The following RBFOX1 variants were observed in gnomAD, a reference collection of about 807,000 sequenced individuals.
RBFOX1 encodes the protein RNA binding fox-1 homolog 1, also known as RNA binding protein fox-1 homolog 1.
In RBFOX1, 8 loss-of-function variants were observed where a neutral mutation model predicts 57.7. That is an observed-to-expected ratio of 0.14 (90% CI 0.08 to 0.25). The LOEUF (loss-of-function observed/expected upper bound fraction) is 0.25, where lower values mean the gene tolerates loss of function less well. RBFOX1 is among the 10% of genes least tolerant of loss of function. The pLI, the probability that RBFOX1 is intolerant of heterozygous loss-of-function variation, is 1.00. For missense variants in RBFOX1, 611 were observed against 548.5 expected (o/e 1.11, Z -1.14); for synonymous variants, 326 against 222.4 (o/e 1.47, Z -4.15).
intron 3 of RBFOX1, among the ~76,000 whole-genome samples, chr16:6,664,063 G>A (rs1345572542): frequency 6.6e-6 from 1 of 152,202 alleles, no homozygotes; most frequent in Non-Finnish European, 1.5e-5. Context: ...ATGGTCAGGT[G>A]TGTAAAGACA....
intron 2 of RBFOX1, among the ~76,000 whole-genome samples, chr16:6,472,659 T>A (rs753387901): frequency 2.6e-5 from 4 of 152,060 alleles, no homozygotes; most frequent in Admixed American, 6.5e-5. Flanking sequence ...AATCTCACTT[T>A]GTTGCCCAGG....
At chr16:6,626,914 A>C (rs1450558863) in intron 2 of RBFOX1, among the ~76,000 whole-genome samples, 2 of 152,206 alleles carry the variant, frequency 1.3e-5, no homozygotes, top group Admixed American at 1.3e-4. Flanking sequence ...GACCTTATAC[A>C]CAAAGGCCCT....
intron 1 of RBFOX1, among the ~76,000 whole-genome samples, chr16:6,142,525 A>T (rs2096727037): frequency 6.6e-6 from 1 of 152,112 alleles, no homozygotes; most frequent in African/African-American, 2.4e-5. Context: ...CTGGCCAAAA[A>T]AATCCAACTC....
At chr16:7,045,001 A>G in intron 3 of RBFOX1, among the ~76,000 whole-genome samples, 1 of 152,202 alleles carries the variant, frequency 6.6e-6, no homozygotes, top group East Asian at 1.9e-4. Context: ...GTTGCAGCCG[A>G]AACACACAAC....
intron 2 of RBFOX1, among the ~76,000 whole-genome samples, chr16:5,520,986 A>G (rs910552445): frequency 6.6e-6 from 1 of 152,214 alleles, no homozygotes; most frequent in Non-Finnish European, 1.5e-5. Context: ...GAGTAAGAAA[A>G]GCATATTGTT....
chr16:6,220,442 A>G (rs991428724), intron 1 of RBFOX1, among the ~76,000 whole-genome samples: 25 of 152,202 alleles, frequency 1.6e-4, no homozygotes, highest in African/African-American at 5.8e-4. Flanking sequence ...GAGGAATTAT[A>G]CTTGGTAATA....
chr16:5,292,902 T>C (rs1478811997), intron 1 of RBFOX1, among the ~76,000 whole-genome samples: 3 of 152,012 alleles, frequency 2.0e-5, no homozygotes, highest in Admixed American at 6.6e-5. Context: ...GGATTACACG[T>C]GTGAGCCACT....
chr16:7,384,377 C>T (rs2097843224), intron 4 of RBFOX1, among the ~76,000 whole-genome samples: 1 of 152,026 alleles, frequency 6.6e-6, no homozygotes, highest in South Asian at 2.1e-4. Flanking sequence ...GCAACAGGCA[C>T]CTTTATATTT....
At chr16:7,707,349 G>C (rs1419504391) in intron 14 of RBFOX1, among the ~76,000 whole-genome samples, 2 of 152,082 alleles carry the variant, frequency 1.3e-5, no homozygotes, top group African/African-American at 2.4e-5. Flanking sequence ...TATTGGATTG[G>C]TATCACTTAT....
chr16:6,019,070 C>T lies in RBFOX1; in HGVS notation c.-1049C>T. 1.0e-6 allele frequency: 1 copy of T among 981,910 alleles called. No homozygotes were observed. The highest frequency in any genetic ancestry group is 1.2e-6 in the Non-Finnish European group (1 of 827,412). 60.8% of individuals were successfully genotyped at this position (981,910 alleles called of 1,614,324 possible). On this transcript the variant is annotated 5_prime_UTR_variant, in exon 1 of 16. Transcript: ENST00000550418. The surrounding 1 kb of genome is among the most constrained non-coding windows in gnomAD (Gnocchi z 4.2). Reference sequence around the variant, plus strand: ...CCGGGGCTGCTCGCTGCTTGTCGCGCGCTCACACACACACAGACACACACG... The same window carrying T: ...CCGGGGCTGCTCGCTGCTTGTCGCGTGCTCACACACACACAGACACACACG...
chr16:7,038,561 G>A (rs938395301), intron 3 of RBFOX1, among the ~76,000 whole-genome samples: 1 of 152,138 alleles, frequency 6.6e-6, no homozygotes, highest in Non-Finnish European at 1.5e-5. Context: ...ACATTTCGTG[G>A]TTTAGCTTGT....
intron 3 of RBFOX1, among the ~76,000 whole-genome samples, chr16:6,818,465 A>C (rs545574573): frequency 6.6e-6 from 1 of 152,062 alleles, no homozygotes; most frequent in Non-Finnish European, 1.5e-5. Flanking sequence ...TGCCAGTGAG[A>C]GTTTTATGAG....
intron 12 of RBFOX1, among the ~76,000 whole-genome samples, chr16:7,658,203 C>A (rs1211522582): frequency 6.6e-6 from 1 of 152,108 alleles, no homozygotes; most frequent in African/African-American, 2.4e-5. Flanking sequence ...TCTCAACATC[C>A]CCCTTTTGCT....
At chr16:5,359,112 G>A (rs2151333014) in intron 1 of RBFOX1, among the ~76,000 whole-genome samples, 1 of 152,278 alleles carries the variant, frequency 6.6e-6, no homozygotes, top group African/African-American at 2.4e-5. Context: ...GTGACCTCCA[G>A]TTTCATCCAC....
rs1046906784 is a variant in RBFOX1 at position 6,626,890 on chromosome 16, A to G, written c.-63-27713A>G. On this transcript the variant is annotated intron_variant, in intron 2 of 15. Transcript: ENST00000550418. Reference sequence around the variant, plus strand: ...TTTAGTCATAGTTATTTTGTGCCAGACACAAATTGGAAGGACCTTATACAC... The same window carrying G: ...TTTAGTCATAGTTATTTTGTGCCAGGCACAAATTGGAAGGACCTTATACAC... 3.9e-5 allele frequency among the ~76,000 whole-genome samples: 6 copies of G among 152,362 alleles called. No individual in the cohort carries two copies. In the South Asian group the frequency reaches 8.3e-4, roughly 21 times the overall value.
intron 1 of RBFOX1, among the ~76,000 whole-genome samples, chr16:5,243,186 C>G (rs2062211903): frequency 6.6e-6 from 1 of 152,180 alleles, no homozygotes. Context: ...AGAGAAGTCT[C>G]TCCTAGGTAT....
intron 4 of RBFOX1, among the ~76,000 whole-genome samples, chr16:7,503,736 A>G (rs2071799330): frequency 6.6e-6 from 1 of 152,156 alleles, no homozygotes. Context: ...TTCAAAATGC[A>G]TCTGTCTGTT....
intron 3 of RBFOX1, among the ~76,000 whole-genome samples, chr16:7,014,136 T>G (rs1218232254): frequency 1.3e-5 from 2 of 152,156 alleles, no homozygotes; most frequent in Non-Finnish European, 2.9e-5. Context: ...GCAGAATAAA[T>G]GCTCAAAAAG....
chr16:6,894,337 C>G (rs185058669), intron 3 of RBFOX1, among the ~76,000 whole-genome samples: 5 of 152,216 alleles, frequency 3.3e-5, no homozygotes, highest in African/African-American at 1.2e-4. Context: ...GCTCTGTGTT[C>G]TGTGTGACTT....
Sources: allele counts gnomAD v4.1 joint callset (sites outside exome capture counted in the v4.1 genomes callset), GRCh38; gene constraint gnomAD v4.1.1; non-coding constraint Gnocchi (gnomAD v3.1); transcripts MANE v1.5; gene names NCBI Gene and HGNC (gene_info 2026-07-23, HGNC 2026-07-21).